Variants in DENND1B observed in about 807,000 individuals in gnomAD.
DENND1B encodes DENN domain-containing protein 1B.
In DENND1B, 59 loss-of-function variants were observed where a neutral mutation model predicts 90.1. The observed-to-expected ratio is 0.65, with a 90% CI of 0.53 to 0.81. The LOEUF is 0.81. Among genes scored for constraint, DENND1B ranks in the 40% least tolerant of loss-of-function variants. The pLI, the probability that DENND1B is intolerant of heterozygous loss-of-function variation, is 0.00. For missense variants in DENND1B, 862 were observed against 912.6 expected (o/e 0.94, Z 0.71); for synonymous variants, 337 against 324.6 (o/e 1.04, Z -0.41).
intron 3 of DENND1B, among the ~76,000 whole-genome samples, chr1:197,704,669 A>T (rs2102175990): frequency 6.6e-6 from 1 of 152,344 alleles, no homozygotes; most frequent in South Asian, 2.1e-4. Flanking sequence ...ATAATAAACC[A>T]GTGCCTACGG....
intron 3 of DENND1B, among the ~76,000 whole-genome samples, chr1:197,701,795 C>T (rs1442255646): frequency 6.6e-6 from 1 of 152,070 alleles, no homozygotes; most frequent in African/African-American, 2.4e-5. Flanking sequence ...AGGCTATGTT[C>T]ATTTGTTTAA....
chr1:197,593,171 T>A (rs1005423144), intron 14 of DENND1B, among the ~76,000 whole-genome samples: 2 of 151,810 alleles, frequency 1.3e-5, no homozygotes, highest in African/African-American at 4.8e-5. Flanking sequence ...TGTATAAAGA[T>A]AATGGTTGAA....
rs750063484 is a variant in DENND1B at position 197,672,150 on chromosome 1, A to G, written c.183T>C (p.Ser61=). Residue 61 remains serine (S), a synonymous_variant, in exon 5 of 23, where the codon TCT becomes TCC. Coordinates refer to ENST00000620048, the MANE Select transcript of DENND1B (RefSeq NM_001195215.2). ...FCFPFDVERV[S]QNQVGQHFTF... ...TAAAGTGCTGTCCAACTTGATTCTGAGACACCCTAAAATATAGTAACATTA... is the reference window on the plus strand; with the variant it reads ...TAAAGTGCTGTCCAACTTGATTCTGGGACACCCTAAAATATAGTAACATTA... 3 of 1,608,704 alleles carry G rather than the reference A, an allele frequency of 1.9e-6. No individual in the cohort carries two copies. Among genetic ancestry groups the G allele is most frequent in the Admixed American group, 1.7e-5 (1 of 59,052 alleles).
chr1:197,656,636 C>CA (rs1329501096), intron 6 of DENND1B, among the ~76,000 whole-genome samples: 13 of 150,364 alleles, frequency 8.6e-5, no homozygotes, highest in South Asian at 2.1e-4. Flanking sequence ...TCTATCTGTA[C>CA]AAAAAAAAAT....
chr1:197,775,057 G>T, intron 1 of DENND1B, 82 bp downstream of exon 1: 1 of 985,990 alleles, frequency 1.0e-6, no homozygotes, highest in South Asian at 4.9e-5. Context: ...GGTTGAGCGC[G>T]GAGGCGCGGA....
chr1:197,623,750 G>A (rs562805107), intron 10 of DENND1B, among the ~76,000 whole-genome samples: 2 of 151,470 alleles, frequency 1.3e-5, no homozygotes, highest in South Asian at 4.2e-4. Context: ...ATACATCATT[G>A]TCATCTGAGT....
intron 15 of DENND1B, among the ~76,000 whole-genome samples, chr1:197,566,868 A>G (rs560113533): frequency 6.6e-6 from 1 of 152,086 alleles, no homozygotes; most frequent in Non-Finnish European, 1.5e-5. Context: ...GAGTTGTGGA[A>G]TGTAAAATGG....
At chr1:197,742,064 G>T (rs1663266750) in intron 2 of DENND1B, among the ~76,000 whole-genome samples, 1 of 152,048 alleles carries the variant, frequency 6.6e-6, no homozygotes, top group Non-Finnish European at 1.5e-5. Context: ...TACATTACAA[G>T]GAGAAATGTT....
intron 20 of DENND1B, among the ~76,000 whole-genome samples, chr1:197,538,629 G>C (rs1670089514): frequency 2.1e-5 from 3 of 145,278 alleles, no homozygotes; most frequent in Non-Finnish European, 4.5e-5. Flanking sequence ...GTGGCATATA[G>C]TGTTGATGAA....
intron 2 of DENND1B, among the ~76,000 whole-genome samples, chr1:197,760,306 A>G (rs1487887597): frequency 6.6e-6 from 1 of 152,222 alleles, no homozygotes; most frequent in Non-Finnish European, 1.5e-5. Context: ...ATATCCATTT[A>G]TAAACAAAAT....
rs34964379 is a variant in DENND1B at position 197,674,186 on chromosome 1, CA to C, written c.127-18del. ...TAGTATTTCCTACAAATGGAAATTT[CA>C]AAAAAAAGAAATAAGTTTTAGAATA... is the stretch of plus-strand genomic sequence containing the variant. On this transcript the variant is annotated intron_variant, in intron 3 of 22. Transcript: ENST00000620048. The C allele has an allele frequency of 5.5e-5, 85 of 1,552,284 alleles. No individual in the cohort carries two copies. The highest frequency in any genetic ancestry group is 1.4e-4 in the Admixed American group (7 of 51,594).
chr1:197,688,033 T>G (rs1334564562), intron 3 of DENND1B, among the ~76,000 whole-genome samples: 1 of 152,036 alleles, frequency 6.6e-6, no homozygotes, highest in Non-Finnish European at 1.5e-5. Context: ...CATCAAACTA[T>G]TTGAAAAGCA....
chr1:197,724,427 T>C (rs974764222), intron 2 of DENND1B, among the ~76,000 whole-genome samples: 61 of 152,238 alleles, frequency 4.0e-4, no homozygotes, highest in African/African-American at 1.4e-3. Context: ...TTACTGTAAA[T>C]GCAATAACTC....
At chr1:197,599,230 G>C (rs1675979046) in intron 13 of DENND1B, among the ~76,000 whole-genome samples, 1 of 151,822 alleles carries the variant, frequency 6.6e-6, no homozygotes, top group African/African-American at 2.4e-5. Flanking sequence ...CAGGAAGGCA[G>C]AGCATAAAAG....
At position 197,511,776 on chromosome 1, in the gene DENND1B, C is replaced by T; in HGVS notation, c.1767G>A (p.Lys589=). 1 of 1,610,872 alleles carries T rather than the reference C, an allele frequency of 6.2e-7. No individual in the cohort carries two copies. Among genetic ancestry groups the T allele is most frequent in the Non-Finnish European group, 8.5e-7 (1 of 1,178,022 alleles). ...CCATTGATCTAAAGAAATCCAAGCT[C>T]TTTGCAGCTGCCAGCTTCCCCTGAT... ...SSDQGKLAAA[K]SLDFFRSMDD... The change falls in exon 22 of 23, where the codon AAG becomes AAA. Residue 589 remains lysine, a synonymous_variant. Transcript: ENST00000620048.
chr1:197,551,676 T>G (rs1309684204), intron 16 of DENND1B, among the ~76,000 whole-genome samples: 1 of 152,064 alleles, frequency 6.6e-6, no homozygotes, highest in Non-Finnish European at 1.5e-5. Context: ...TCATCTTCAA[T>G]TCTATAAAAG....
At chr1:197,658,429 T>C (rs1654068719) in intron 5 of DENND1B, 60 bp from the exon 6 acceptor site, 2 of 1,134,128 alleles carry the variant, frequency 1.8e-6, no homozygotes, top group African/African-American at 1.6e-5. Flanking sequence ...AAACAGACAA[T>C]ATAAACATTT....
chr1:197,633,620 G>A (rs1241281584), intron 10 of DENND1B, among the ~76,000 whole-genome samples: 1 of 152,072 alleles, frequency 6.6e-6, no homozygotes, highest in Non-Finnish European at 1.5e-5. Flanking sequence ...TATGCAGTGG[G>A]CAGTTTCTGC....
intron 10 of DENND1B, among the ~76,000 whole-genome samples, chr1:197,629,869 A>G (rs964204186): frequency 5.9e-5 from 9 of 152,044 alleles, no homozygotes; most frequent in Admixed American, 1.3e-4. Context: ...CAAACAACCC[A>G]ATTAAGAAAT....
Sources: allele counts gnomAD v4.1 joint callset (sites outside exome capture counted in the v4.1 genomes callset), GRCh38; gene constraint gnomAD v4.1.1; transcripts MANE v1.5; gene names NCBI Gene and HGNC (gene_info 2026-07-23, HGNC 2026-07-21).